The following CCNDBP1 variants were observed in gnomAD, a reference collection of about 807,000 sequenced individuals.
CCNDBP1 encodes the protein cyclin D1 binding protein 1, also known as cyclin-D1-binding protein 1.
Under a neutral mutation model 46.2 loss-of-function variants are expected in CCNDBP1, and 45 were observed. The observed-to-expected ratio is 0.97, with a 90% CI of 0.77 to 1.25. The LOEUF is 1.25. Ranked by LOEUF, CCNDBP1 falls within the 50% of genes most tolerant of loss-of-function variation. CCNDBP1 has a pLI of 0.00. For missense variants in CCNDBP1, 436 were observed against 442.1 expected (o/e 0.99, Z 0.12); for synonymous variants, 154 against 163.6 (o/e 0.94, Z 0.45).
chr15:43,190,059 C>G lies in CCNDBP1; in HGVS notation c.336C>G (p.Ile112Met), dbSNP rs371001139. Residue 112 changes from isoleucine to methionine, a missense_variant, in exon 5 of 11, where the codon ATC becomes ATG. By Grantham distance (10) the Ile-to-Met change is conservative. Coordinates refer to ENST00000300213, the MANE Select transcript of CCNDBP1 (RefSeq NM_012142.5). ...VYYLLPKDQG[I>M]TLRKLVRGAT... Reference sequence around the variant, plus strand: ...ATTCTTTGGGTTTGGCCACAGGGATCACCCTGAGAAAGCTGGTACGGGGCG... The same window carrying G: ...ATTCTTTGGGTTTGGCCACAGGGATGACCCTGAGAAAGCTGGTACGGGGCG... 7 of 1,613,884 alleles carry G rather than the reference C, an allele frequency of 4.3e-6. No individual in the cohort carries two copies. In the South Asian group the frequency reaches 4.4e-5, roughly 10 times the overall value.
Position 43,191,517 on chromosome 15 carries a change from A to G in CCNDBP1, c.702A>G (p.Ser234=), listed in dbSNP as rs917688383. 3.1e-6 allele frequency: 5 copies of G among 1,614,158 alleles called. No homozygotes were observed. Among genetic ancestry groups the G allele is most frequent in the Non-Finnish European group, 4.2e-6 (5 of 1,180,024 alleles). The part of the protein sequence containing the change: ...GFPSNQDLYW[S]EDDQELIIPC... ...CCAGCAATCAGGACTTGTATTGGTC[A>G]GAGGACGATCAAGAGCTCATAATCC... Residue 234 remains serine (S), a synonymous_variant, in exon 8 of 11, where the codon TCA becomes TCG. Coordinates refer to ENST00000300213, the MANE Select transcript of CCNDBP1 (RefSeq NM_012142.5).
intron 2 of CCNDBP1, 94 bp from the exon 3 acceptor site, chr15:43,186,060 G>A (rs2142221162): frequency 7.7e-7 from 1 of 1,298,892 alleles, no homozygotes; most frequent in East Asian, 2.3e-5. Context: ...CATTCGGGAA[G>A]TGTTTTTGAG....
intron 7 of CCNDBP1, 67 bp downstream of exon 7, chr15:43,191,109 G>C: frequency 7.7e-7 from 1 of 1,297,598 alleles, no homozygotes; most frequent in Non-Finnish European, 1.1e-6. Flanking sequence ...TATAAAGAGA[G>C]ATTTCCTGAG....
At chr15:43,192,901 T>C in intron 9 of CCNDBP1, 98 bp downstream of exon 9, 4 of 1,109,104 alleles carry the variant, frequency 3.6e-6, no homozygotes, top group Non-Finnish European at 5.5e-6. Flanking sequence ...TATTTATTAG[T>C]CACATTTGGA....
chr15:43,192,628 A>G (rs1247779382), intron 8 of CCNDBP1, 115 bp from the exon 9 acceptor site: 2 of 937,656 alleles, frequency 2.1e-6, no homozygotes, highest in Non-Finnish European at 3.4e-6. Flanking sequence ...GCCCAATTTT[A>G]AAAACTGACA....
At chr15:43,189,714 T>C in intron 4 of CCNDBP1, 1 of 336,626 alleles carries the variant, frequency 3.0e-6, no homozygotes, top group Non-Finnish European at 5.4e-6. Context: ...ATGCCAAAAT[T>C]ATAACTGAAT....
At chr15:43,192,877 A>C in intron 9 of CCNDBP1, 74 bp downstream of exon 9, 1 of 1,299,962 alleles carries the variant, frequency 7.7e-7, no homozygotes, top group East Asian at 2.3e-5. Flanking sequence ...ATTTCCTGTA[A>C]GCTATAGGGT....
In CCNDBP1 at chr15:43,195,583, G is replaced by T. The variant is rs2042029195; in HGVS notation, c.*742G>T. On this transcript the variant is annotated 3_prime_UTR_variant, in exon 11 of 11. Transcript: ENST00000300213. ...ATCAAAAATTTTTTAGTGTGTAAGA[G>T]ATTTTATGTAATTTTAAGGGCCTTT... is the stretch of plus-strand genomic sequence containing the variant. The T allele has an allele frequency of 6.6e-6, 1 of 152,154 alleles. No homozygotes were observed. Among genetic ancestry groups the T allele is most frequent in the Non-Finnish European group, 1.5e-5 (1 of 68,036 alleles). 9.4% of individuals were successfully genotyped at this position (152,154 alleles called of 1,614,324 possible).
chr15:43,193,332 C>CAAAAAAAAAAA (rs60206861), intron 9 of CCNDBP1: 1 of 39,130 alleles, frequency 2.6e-5, no homozygotes, highest in Non-Finnish European at 4.1e-5. Context: ...GACTCTGTCT[C>CAAAAAAAAAAA]AAAAAAAAAA....
Position 43,186,207 on chromosome 15 carries a change from T to C in CCNDBP1, c.223T>C (p.Ser75Pro), listed in dbSNP as rs754359018. 5 of 1,614,042 alleles carry C rather than the reference T, an allele frequency of 3.1e-6. No individual in the cohort carries two copies. In the African/African-American group the frequency reaches 6.7e-5, roughly 22 times the overall value. ...REATTLTIVF[S>P]QLPLPSPQET... is the part of the protein sequence containing the mutation. The stretch of plus-strand genomic sequence containing the variant: ...AGCCACGACTCTGACCATAGTCTTC[T>C]CTCAGCTTCCACTGCCGTCTCCACA... The change falls in exon 3 of 11, where the codon TCT becomes CCT. Residue 75 changes from serine to proline, a missense_variant. Ser to Pro is a moderately conservative substitution (Grantham distance 74, BLOSUM62 -1). Coordinates refer to ENST00000300213, the MANE Select transcript of CCNDBP1 (RefSeq NM_012142.5).
intron 2 of CCNDBP1, 79 bp from the exon 3 acceptor site, chr15:43,186,075 C>A: frequency 7.2e-7 from 1 of 1,392,160 alleles, no homozygotes; most frequent in South Asian, 1.2e-5. Flanking sequence ...TTTGAGAAGT[C>A]TCGGTCGGTA....
intron 3 of CCNDBP1, among the ~76,000 whole-genome samples, chr15:43,188,293 C>T (rs1384770709): frequency 4.6e-5 from 7 of 151,912 alleles, no homozygotes; most frequent in Non-Finnish European, 1.0e-4. Flanking sequence ...CGAGTCCATG[C>T]TAGTTACCTT....
In CCNDBP1 at chr15:43,196,161, C is replaced by T. The variant is rs2042034857; in HGVS notation, c.*1320C>T. ...TGGGATACTTAATGAATATAGAACTCTAATATAAAGACTTACCTCTAGCTG... is the reference window on the plus strand; with the variant it reads ...TGGGATACTTAATGAATATAGAACTTTAATATAAAGACTTACCTCTAGCTG... On this transcript the variant is annotated 3_prime_UTR_variant, in exon 11 of 11. Transcript: ENST00000300213. The T allele has an allele frequency of 6.6e-6, 1 of 151,962 alleles. No individual in the cohort carries two copies. Among genetic ancestry groups the T allele is most frequent in the Middle Eastern group, 3.4e-3 (1 of 292 alleles). The allele number at this position is 151,962 out of a possible 1,614,324, so 9.4% of individuals were successfully genotyped here.
intron 7 of CCNDBP1, 108 bp from the exon 8 acceptor site, chr15:43,191,287 G>C: frequency 3.3e-6 from 4 of 1,194,166 alleles, no homozygotes; most frequent in South Asian, 1.6e-5. Context: ...GAAGTGGCTG[G>C]CTAAGATTTT....
At position 43,189,258 on chromosome 15, in the gene CCNDBP1, C is replaced by A; in HGVS notation, c.309C>A (p.Tyr103Ter). The A allele has an allele frequency of 6.2e-7, 1 of 1,608,758 alleles. No homozygotes were observed. The change falls in exon 4 of 11, where the codon TAC becomes TAA. Residue 103 changes from tyrosine to a stop codon, truncating the protein, a stop_gained. Transcript: ENST00000300213. LOFTEE classifies it high-confidence loss of function. Reference protein sequence around the residue: ...HAAIKAFIAVYYLLPKDQGIT... With the variant: ...HAAIKAFIAV ...CCATCAAGGCATTTATTGCAGTGTA[C>A]TATTTGCTTCCAAAGGATCAGGGTA...
At chr15:43,192,475 T>A (rs113848360) in intron 8 of CCNDBP1, among the ~76,000 whole-genome samples, 131 of 152,308 alleles carry the variant, frequency 8.6e-4, no homozygotes, top group African/African-American at 3.1e-3. Context: ...AAACTGATGG[T>A]TTCACATCCT....
At chr15:43,192,262 G>A (rs937383238) in intron 8 of CCNDBP1, among the ~76,000 whole-genome samples, 1 of 152,176 alleles carries the variant, frequency 6.6e-6, no homozygotes, top group Non-Finnish European at 1.5e-5. Context: ...GTGATTGTTA[G>A]TTCTCATTTT....
In CCNDBP1 at chr15:43,185,806, G is replaced by A. The variant is rs759656980; in HGVS notation, c.110-14G>A. 9 of 1,609,572 alleles carry A rather than the reference G, an allele frequency of 5.6e-6. No homozygotes were observed. The South Asian group carries it at 7.7e-5, about 14-fold the overall frequency. On this transcript the variant is annotated splice_polypyrimidine_tract_variant and intron_variant, in intron 1 of 10. Transcript: ENST00000300213. ...ATTCGCCACCGTTCGGCCCCCACAC[G>A]CCACACCCACAAGTCGGCGAAGCCC...
At chr15:43,188,375 G>T (rs2041887000) in intron 3 of CCNDBP1, 1 of 152,174 alleles carries the variant, frequency 6.6e-6, no homozygotes, top group African/African-American at 2.4e-5. Flanking sequence ...TGGTCTGTCA[G>T]TTGGTCTGTC....
Sources: gnomAD v4.1 joint callset for allele counts (sites outside exome capture counted in the v4.1 genomes callset) on GRCh38, gnomAD v4.1.1 for gene constraint, MANE v1.5 for transcripts, NCBI Gene and HGNC (gene_info 2026-07-23, HGNC 2026-07-21) for gene names.